The following CCNG2 variants were observed in gnomAD, a reference collection of about 807,000 sequenced individuals.
CCNG2 encodes the protein cyclin-G2.
A neutral mutation model predicts 36.5 loss-of-function variants in CCNG2; 20 were observed. That is an observed-to-expected ratio of 0.55 (90% CI 0.39 to 0.80). The LOEUF is 0.80. Ranked by LOEUF, CCNG2 falls within the 30% of genes least tolerant of loss-of-function variation. CCNG2 has a pLI of 0.00. For missense variants in CCNG2, 358 were observed against 390.8 expected (o/e 0.92, Z 0.71); for synonymous variants, 155 against 140.1 (o/e 1.11, Z -0.75).
At position 77,157,220 on chromosome 4, in the gene CCNG2, A is replaced by G. The variant is rs1406903632; in HGVS notation, c.-287A>G. The G allele has an allele frequency of 6.6e-6, 1 of 152,192 alleles. No homozygotes were observed. The highest frequency in any genetic ancestry group is 6.5e-5 in the Admixed American group (1 of 15,286). 9.4% of individuals were successfully genotyped at this position (152,192 alleles called of 1,614,324 possible). A position where few individuals can be genotyped will look rare whatever the true frequency, so the allele number is the denominator to read the frequency against. Reference sequence around the variant, plus strand: ...GGGGGCGTCGAAACTCTTAACAAAAACAAGGGGCTCGGGGAGGTTTCCGCT... The same window carrying G: ...GGGGGCGTCGAAACTCTTAACAAAAGCAAGGGGCTCGGGGAGGTTTCCGCT... On this transcript the variant is annotated 5_prime_UTR_variant, in exon 1 of 8. Transcript: ENST00000316355.
At chr4:77,163,336 T>G (rs1457977119) in intron 6 of CCNG2, among the ~76,000 whole-genome samples, 3 of 152,110 alleles carry the variant, frequency 2.0e-5, no homozygotes, top group Admixed American at 1.3e-4. Flanking sequence ...GAGTATTGAA[T>G]TTTTATAAGA....
intron 1 of CCNG2, among the ~76,000 whole-genome samples, chr4:77,157,721 T>A (rs1452550484): frequency 6.6e-6 from 1 of 151,826 alleles, no homozygotes; most frequent in East Asian, 2.0e-4. Flanking sequence ...TGCGACTAGG[T>A]TAAGGGCAGT....
chr4:77,165,673 C>T, intron 7 of CCNG2, 128 bp from the exon 8 acceptor site: 1 of 705,338 alleles, frequency 1.4e-6, no homozygotes, highest in Non-Finnish European at 2.2e-6. Context: ...TAAATTTTGT[C>T]TCTGTAAAGC....
chr4:77,164,284 CTG>C lies in CCNG2; in HGVS notation c.717_718del (p.Glu240ValfsTer10). ...ATATTTTTTTTTCAGATTAATGACA[CTG>C]AGTTCTTCTACTGGAGAGAGTTGGT... On this transcript the variant is annotated frameshift_variant, in exon 7 of 8. Coordinates refer to ENST00000316355, the MANE Select transcript of CCNG2 (RefSeq NM_004354.3). LOFTEE classifies it high-confidence loss of function. The C allele has an allele frequency of 1.2e-6, 2 of 1,612,854 alleles. No homozygotes were observed. Among genetic ancestry groups the C allele is most frequent in the Non-Finnish European group, 1.7e-6 (2 of 1,179,012 alleles).
rs911391155 is a variant in CCNG2, at chr4:77,160,537, G to C, written c.277-184G>C. On this transcript the variant is annotated intron_variant, in intron 3 of 7. Coordinates refer to ENST00000316355, the MANE Select transcript of CCNG2 (RefSeq NM_004354.3). ...TCCCTGCTGCCTTTTTTTTTGGGGG[G>C]GGGGGGAGGTCGAGAACGTCTAAAA... Among the ~76,000 whole-genome samples the C allele has an allele frequency of 2.3e-4, 35 of 149,626 alleles. 1 individual carries two copies. Among genetic ancestry groups the C allele is most frequent in the South Asian group, 6.4e-4 (3 of 4,652 alleles).
rs1428637339 is a variant in CCNG2, at chr4:77,168,219, GTT to G, written c.*2297_*2298del. On this transcript the variant is annotated 3_prime_UTR_variant, in exon 8 of 8. Coordinates refer to ENST00000316355, the MANE Select transcript of CCNG2 (RefSeq NM_004354.3). The stretch of plus-strand genomic sequence containing the variant: ...GTGATATGCTCATCTCCTTTTGCCT[GTT>G]TATGGAGGTCACCAGCCTCTATCAT... 6.6e-6 allele frequency: 1 copy of G among 152,176 alleles called. No individual in the cohort carries two copies. Among genetic ancestry groups the G allele is most frequent in the African/African-American group, 2.4e-5 (1 of 41,412 alleles). The allele number at this position is 152,176 out of a possible 1,614,324, so 9.4% of individuals were successfully genotyped here.
intron 3 of CCNG2, among the ~76,000 whole-genome samples, chr4:77,160,069 A>G (rs1049855432): frequency 3.3e-5 from 5 of 152,198 alleles, no homozygotes; most frequent in African/African-American, 7.2e-5. Flanking sequence ...CAGCTTTTAC[A>G]TATGTCCCAC....
At chr4:77,159,237 T>G in intron 2 of CCNG2, 130 bp from the exon 3 acceptor site, 1 of 731,764 alleles carries the variant, frequency 1.4e-6, no homozygotes, top group Non-Finnish European at 2.2e-6. Context: ...TCCACCTATA[T>G]TCTTGAAGAT....
rs567964812 is a variant in CCNG2, at chr4:77,166,836, A to G, written c.*912A>G. ...AGTGTATTGCTATATGGGTGCCAAG[A>G]TTGAATATGAAGAACCCGAGTGTTT... On this transcript the variant is annotated 3_prime_UTR_variant, in exon 8 of 8. Transcript: ENST00000316355. The G allele has an allele frequency of 6.6e-6, 1 of 152,290 alleles. No individual in the cohort carries two copies. The highest frequency in any genetic ancestry group is 2.1e-4 in the South Asian group (1 of 4,828). 9.4% of individuals were successfully genotyped at this position (152,290 alleles called of 1,614,324 possible).
chr4:77,166,011 C>T lies in CCNG2; in HGVS notation c.*87C>T. 1 of 1,296,834 alleles carries T rather than the reference C, an allele frequency of 7.7e-7. No individual in the cohort carries two copies. The highest frequency in any genetic ancestry group is 1.1e-6 in the Non-Finnish European group (1 of 948,756). 80.3% of individuals were successfully genotyped at this position (1,296,834 alleles called of 1,614,324 possible). ...GGTAGTTTCCTGGTTTAGCCCCCAT[C>T]TAGTCAGGAATTAATATACTGGAAT... is the stretch of plus-strand genomic sequence containing the variant. On this transcript the variant is annotated 3_prime_UTR_variant, in exon 8 of 8. Coordinates refer to ENST00000316355, the MANE Select transcript of CCNG2 (RefSeq NM_004354.3).
At chr4:77,164,520 A>C in intron 7 of CCNG2, 41 bp downstream of exon 7, 2 of 1,428,924 alleles carry the variant, frequency 1.4e-6, no homozygotes, top group Non-Finnish European at 2.0e-6. Flanking sequence ...CCTAGACTAA[A>C]TATTACTGAG....
intron 4 of CCNG2, 128 bp downstream of exon 4, chr4:77,161,099 C>CTTTTTTTTTTTTTTTTTTTTTTTTTTTT (rs34505988): frequency 3.6e-6 from 1 of 274,600 alleles, no homozygotes; most frequent in Non-Finnish European, 6.3e-6. Flanking sequence ...ATTGGTAAAT[C>CTTTTTTTTTTTTTTTTTTTTTTTTTTTT]TTTTTTTTTT....
intron 4 of CCNG2, among the ~76,000 whole-genome samples, chr4:77,161,179 T>C (rs1731426982): frequency 6.8e-6 from 1 of 148,144 alleles, no homozygotes; most frequent in African/African-American, 2.5e-5. Context: ...CTCGGCTCAC[T>C]GCAACCTCCA....
rs1731711420 is a variant in CCNG2, at chr4:77,169,393, T to TA, written c.*3470dup. The TA allele has an allele frequency of 6.6e-6, 1 of 152,190 alleles. No individual in the cohort carries two copies. 9.4% of individuals were successfully genotyped at this position (152,190 alleles called of 1,614,324 possible). On this transcript the variant is annotated 3_prime_UTR_variant, in exon 8 of 8. Coordinates refer to ENST00000316355, the MANE Select transcript of CCNG2 (RefSeq NM_004354.3). The stretch of plus-strand genomic sequence containing the variant: ...TTACTACCAGAAATGGTCAATAACT[T>TA]ACTTTGTGTTTAGCAAATCAAATTG...
chr4:77,160,526 T>C lies in CCNG2; in HGVS notation c.277-195T>C, dbSNP rs959914970. On this transcript the variant is annotated intron_variant, in intron 3 of 7. Coordinates refer to ENST00000316355, the MANE Select transcript of CCNG2 (RefSeq NM_004354.3). The stretch of plus-strand genomic sequence containing the variant: ...TGAGCCACTGTTCCCTGCTGCCTTT[T>C]TTTTTGGGGGGGGGGGGAGGTCGAG... Among the ~76,000 whole-genome samples, 3 of 133,788 alleles carry C rather than the reference T, an allele frequency of 2.2e-5. 1 individual carries two copies. Among genetic ancestry groups the C allele is most frequent in the African/African-American group, 9.9e-5 (3 of 30,276 alleles). The allele number at this position is 133,788 out of a possible 152,430, so 87.8% of individuals were successfully genotyped here. A position where few individuals can be genotyped will look rare whatever the true frequency, so the allele number is the denominator to read the frequency against.
intron 6 of CCNG2, 99 bp from the exon 7 acceptor site, chr4:77,164,175 A>G: frequency 1.3e-6 from 1 of 772,980 alleles, no homozygotes. Flanking sequence ...GGAGCCAGGC[A>G]TCTATATATA....
In CCNG2 at chr4:77,168,139, G is replaced by A. The variant is rs1025504340; in HGVS notation, c.*2215G>A. Reference sequence around the variant, plus strand: ...GTTTCTGATTACTCCCAAACCTGCTGGTTCTTTATGTCTTTCTCAGCGAAT... The same window carrying A: ...GTTTCTGATTACTCCCAAACCTGCTAGTTCTTTATGTCTTTCTCAGCGAAT... On this transcript the variant is annotated 3_prime_UTR_variant, in exon 8 of 8. Transcript: ENST00000316355. 8 of 152,114 alleles carry A rather than the reference G, an allele frequency of 5.3e-5. No homozygotes were observed. The highest frequency in any genetic ancestry group is 1.3e-4 in the Admixed American group (2 of 15,270). 9.4% of individuals were successfully genotyped at this position (152,114 alleles called of 1,614,324 possible).
At position 77,164,460 on chromosome 4, in the gene CCNG2, T is replaced by G; in HGVS notation, c.892T>G (p.Cys298Gly). ...GCTGCCAACGATACCTGAGGGGGGT[T>G]GTTTTGATGAAAGTGAAAGGTAGGC... ...PELPTIPEGG[C>G]FDESESEDSC... The change falls in exon 7 of 8, where the codon TGT becomes GGT. Residue 298 changes from cysteine to glycine, a missense_variant. Physicochemically the swap from Cys to Gly is radical, Grantham distance 159. Transcript: ENST00000316355. 1 of 1,613,790 alleles carries G rather than the reference T, an allele frequency of 6.2e-7. No individual in the cohort carries two copies. Among genetic ancestry groups the G allele is most frequent in the Non-Finnish European group, 8.5e-7 (1 of 1,179,756 alleles).
In CCNG2 at chr4:77,169,587, CCT is replaced by C. The variant is rs1731717134; in HGVS notation, c.*3664_*3665del. 1.3e-5 allele frequency: 2 copies of C among 152,224 alleles called. No homozygotes were observed. Among genetic ancestry groups the C allele is most frequent in the African/African-American group, 2.4e-5 (1 of 41,440 alleles). 9.4% of individuals were successfully genotyped at this position (152,224 alleles called of 1,614,324 possible). On this transcript the variant is annotated 3_prime_UTR_variant, in exon 8 of 8. Transcript: ENST00000316355. The stretch of plus-strand genomic sequence containing the variant: ...AGAAGAAATTTAGTATATGTCCAAG[CCT>C]AGGCTTTAAGAGACTGGCAGCTTTC...
Sources: allele counts gnomAD v4.1 joint callset (sites outside exome capture counted in the v4.1 genomes callset), GRCh38; gene constraint gnomAD v4.1.1; transcripts MANE v1.5; gene names NCBI Gene and HGNC (gene_info 2026-07-23, HGNC 2026-07-21).